Variants in NDC80 observed in about 807,000 individuals in gnomAD.
NDC80 encodes NDC80 kinetochore complex component.
A neutral mutation model predicts 89.3 loss-of-function variants in NDC80; 69 were observed. That is an observed-to-expected ratio of 0.77 (90% CI 0.64 to 0.94). The LOEUF is 0.94. Ranked by LOEUF, NDC80 falls within the 40% of genes least tolerant of loss-of-function variation. NDC80 has a pLI of 0.00. For missense variants in NDC80, 593 were observed against 739.6 expected, an observed-to-expected ratio of 0.80 and a Z score of 2.30; for synonymous variants, 243 against 255.6, an observed-to-expected ratio of 0.95 and a Z score of 0.47.
At chr18:2,601,199 G>A (rs1248215546) in intron 12 of NDC80, among the ~76,000 whole-genome samples, 197 bp from the exon 13 acceptor site, 2 of 152,128 alleles carry the variant, frequency 1.3e-5, no homozygotes, top group Non-Finnish European at 2.9e-5. Context: ...AAAACCAAAA[G>A]CAGGTTATAG....
intron 4 of NDC80, 24 bp from the exon 5 acceptor site, chr18:2,577,945 G>T: frequency 6.2e-7 from 1 of 1,609,906 alleles, no homozygotes; most frequent in Non-Finnish European, 8.5e-7. Flanking sequence ...CAAAACGTTT[G>T]GTGGTTCATA....
At chr18:2,583,352 T>C (rs1050312567) in intron 6 of NDC80, among the ~76,000 whole-genome samples, 1 of 152,158 alleles carries the variant, frequency 6.6e-6, no homozygotes, top group Non-Finnish European at 1.5e-5. Flanking sequence ...TGACAAGATA[T>C]AAGATTCTGT....
rs146974631 is a variant in NDC80, at chr18:2,577,039, T to C, written c.180-707T>C. 4.1e-4 allele frequency among the ~76,000 whole-genome samples: 63 copies of C among 152,330 alleles called. 2 individuals carry two copies. The highest frequency in any genetic ancestry group is 1.5e-3 in the African/African-American group (62 of 41,578). On this transcript the variant is annotated intron_variant, in intron 3 of 16. Transcript: ENST00000261597. The stretch of plus-strand genomic sequence containing the variant: ...TTTCAGTTGATGAAAAATCTTAAGG[T>C]ATTTTTGTAATGTAATTCATCTCAG...
intron 10 of NDC80, among the ~76,000 whole-genome samples, chr18:2,590,855 A>G (rs2072624070): frequency 6.6e-6 from 1 of 152,258 alleles, no homozygotes; most frequent in Admixed American, 6.5e-5. Flanking sequence ...AAAATTCTAT[A>G]CAAATATATA....
chr18:2,601,704 G>A (rs1016802681), intron 13 of NDC80, among the ~76,000 whole-genome samples: 3 of 152,064 alleles, frequency 2.0e-5, no homozygotes, highest in African/African-American at 7.2e-5. Flanking sequence ...GAAGCGAGAT[G>A]AAACTAAGTA....
chr18:2,605,300 GTGTGTGT>G (rs1568010268), intron 13 of NDC80, among the ~76,000 whole-genome samples: 19 of 149,806 alleles, frequency 1.3e-4, no homozygotes, highest in African/African-American at 4.2e-4. Flanking sequence ...GTGTGTGTGT[GTGTGTGT>G]GTGTGTGTGT....
At position 2,588,290 on chromosome 18, in the gene NDC80, C is replaced by T. The variant is rs1345262850; in HGVS notation, c.763+367C>T. On this transcript the variant is annotated intron_variant, in intron 8 of 16. Coordinates refer to ENST00000261597, the MANE Select transcript of NDC80 (RefSeq NM_006101.3). ...TTCCTCTTGGGGGATAATATCCCTACGTTGTCCTTGCTTACTATTTGAGAA... is the reference window on the plus strand; with the variant it reads ...TTCCTCTTGGGGGATAATATCCCTATGTTGTCCTTGCTTACTATTTGAGAA... Among the ~76,000 whole-genome samples, 7 of 152,220 alleles carry T rather than the reference C, an allele frequency of 4.6e-5. No individual in the cohort carries two copies. The South Asian group carries it at 1.2e-3, about 27-fold the overall frequency.
At chr18:2,574,744 A>G (rs2072536997) in intron 2 of NDC80, among the ~76,000 whole-genome samples, 1 of 152,212 alleles carries the variant, frequency 6.6e-6, no homozygotes. Context: ...GACTAAATCT[A>G]CCAAAGGGTA....
chr18:2,605,491 A>T (rs1404147046), intron 13 of NDC80, among the ~76,000 whole-genome samples: 1 of 152,274 alleles, frequency 6.6e-6, no homozygotes, highest in African/African-American at 2.4e-5. Context: ...TTACTTGAGT[A>T]TCTGTTGTTG....
At chr18:2,588,817 A>G (rs762178921) in intron 8 of NDC80, among the ~76,000 whole-genome samples, 13 of 152,206 alleles carry the variant, frequency 8.5e-5, no homozygotes, top group African/African-American at 2.9e-4. Flanking sequence ...TAAAAACTGC[A>G]TTCATTTATT....
intron 3 of NDC80, among the ~76,000 whole-genome samples, chr18:2,575,434 G>A (rs956642630): frequency 6.6e-6 from 1 of 151,538 alleles, no homozygotes; most frequent in Non-Finnish European, 1.5e-5. Flanking sequence ...CCTGGGCAAC[G>A]TGACAAGACC....
rs771748507 is a variant in NDC80, at chr18:2,587,880, C to G, written c.720C>G (p.Ala240=). 6.2e-7 allele frequency: 1 copy of G among 1,613,476 alleles called. No homozygotes were observed. The highest frequency in any genetic ancestry group is 1.3e-5 in the African/African-American group (1 of 74,836). The change falls in exon 8 of 17, where the codon GCC becomes GCG. Residue 240 remains alanine, a synonymous_variant. Coordinates refer to ENST00000261597, the MANE Select transcript of NDC80 (RefSeq NM_006101.3). ...GCTATGAGAGTTTTATGAGTGGTGC[C>G]GACAGCTTTGATGAGATGAATGCAG... ...IKCYESFMSG[A]DSFDEMNAEL...
In NDC80 at chr18:2,599,089, A is replaced by G; in HGVS notation, c.1292A>G (p.Asn431Ser). 1 of 1,613,146 alleles carries G rather than the reference A, an allele frequency of 6.2e-7. No individual in the cohort carries two copies. The highest frequency in any genetic ancestry group is 8.5e-7 in the Non-Finnish European group (1 of 1,179,546). Reference protein sequence around the residue: ...KLKLIPKGAENSKGYDFEIKF... With the variant: ...KLKLIPKGAESSKGYDFEIKF... The stretch of plus-strand genomic sequence containing the variant: ...AAACTTATTCCTAAAGGTGCTGAGA[A>G]TTCCAAAGGTTATGACTTTGAAATT... Residue 431 changes from asparagine (N) to serine (S), a missense_variant, in exon 12 of 17, where the codon AAT (asparagine) becomes AGT (serine). By Grantham distance (46) the Asn-to-Ser change is conservative. Transcript: ENST00000261597.
At chr18:2,606,764 T>C (rs2072714102) in intron 14 of NDC80, among the ~76,000 whole-genome samples, 1 of 152,088 alleles carries the variant, frequency 6.6e-6, no homozygotes, top group Non-Finnish European at 1.5e-5. Context: ...TATTTTATAC[T>C]TGCATATGAC....
At chr18:2,603,903 A>G (rs925494052) in intron 13 of NDC80, among the ~76,000 whole-genome samples, 2 of 152,232 alleles carry the variant, frequency 1.3e-5, no homozygotes, top group Non-Finnish European at 2.9e-5. Context: ...CATGTAAATT[A>G]TCATAGAGCA....
chr18:2,613,225 G>C (rs2072754782), intron 16 of NDC80, among the ~76,000 whole-genome samples: 1 of 152,194 alleles, frequency 6.6e-6, no homozygotes, highest in Non-Finnish European at 1.5e-5. Context: ...ATCTTTGGCT[G>C]GTTTTGCACT....
At chr18:2,614,935 G>T (rs375335749) in intron 16 of NDC80, 1 of 152,400 alleles carries the variant, frequency 6.6e-6, no homozygotes, top group African/African-American at 2.4e-5. Context: ...ATCCTTACAT[G>T]AAGATCGTGT....
At chr18:2,589,550 C>T (rs1313552084) in intron 9 of NDC80, among the ~76,000 whole-genome samples, 2 of 152,256 alleles carry the variant, frequency 1.3e-5, no homozygotes, top group Non-Finnish European at 1.5e-5. Flanking sequence ...AAGATTCTTA[C>T]CTACTTACAT....
At chr18:2,597,277 A>G (rs1443147709) in intron 11 of NDC80, among the ~76,000 whole-genome samples, 4 of 152,004 alleles carry the variant, frequency 2.6e-5, no homozygotes, top group South Asian at 2.1e-4. Flanking sequence ...GAGGATGAAG[A>G]CTCTTCTTGT....
Sources: allele counts gnomAD v4.1 joint callset (sites outside exome capture counted in the v4.1 genomes callset), GRCh38; gene constraint gnomAD v4.1.1; transcripts MANE v1.5; gene names NCBI Gene and HGNC (gene_info 2026-07-23, HGNC 2026-07-21).